AKAP6: variants seen among roughly 807,000 people sequenced by gnomAD.
AKAP6 encodes the protein A-kinase anchor protein 6.
In AKAP6, 58 loss-of-function variants were observed where a neutral mutation model predicts 188.5. The observed-to-expected ratio is 0.31, with a 90% confidence interval of 0.25 to 0.38. AKAP6 has a LOEUF of 0.38. Among genes scored for constraint, AKAP6 ranks in the 10% least tolerant of loss-of-function variants. AKAP6 has a pLI of 1.00. For synonymous variants in AKAP6, 989 were observed against 998.6 expected, an observed-to-expected ratio of 0.99 and a Z score of 0.18; for missense variants, 2,710 against 2,740.0, an observed-to-expected ratio of 0.99 and a Z score of 0.24.
At chr14:32,580,257 A>G (rs765618693) in intron 5 of AKAP6, among the ~76,000 whole-genome samples, 14 of 152,100 alleles carry the variant, frequency 9.2e-5, no homozygotes, top group Non-Finnish European at 5.9e-5. Flanking sequence ...CATGATAATT[A>G]ATCATCTGCT....
intron 1 of AKAP6, among the ~76,000 whole-genome samples, chr14:32,426,791 A>G (rs1193140679): frequency 1.3e-5 from 2 of 152,224 alleles, no homozygotes; most frequent in African/African-American, 4.8e-5. Flanking sequence ...TACAGGAGGC[A>G]TGATGACTAT....
chr14:32,410,466 T>C (rs1014270891), intron 1 of AKAP6, among the ~76,000 whole-genome samples: 1 of 152,202 alleles, frequency 6.6e-6, no homozygotes, highest in Non-Finnish European at 1.5e-5. Context: ...TTGTTTGATG[T>C]CTCATGTCTC....
intron 7 of AKAP6, among the ~76,000 whole-genome samples, chr14:32,662,922 C>T (rs1370357775): frequency 6.6e-6 from 1 of 152,064 alleles, no homozygotes. Context: ...CTCTTACCAA[C>T]ATCAGATGAG....
intron 4 of AKAP6, among the ~76,000 whole-genome samples, chr14:32,569,655 C>G (rs9322905): frequency 0.64 from 97,477 of 151,988 alleles, 31,697 homozygotes; most frequent in East Asian, 0.89. Flanking sequence ...CGAATTATGC[C>G]CAAAAACGGA....
chr14:32,404,691 G>GATAGATAGATAGATAT, intron 1 of AKAP6, among the ~76,000 whole-genome samples: 2 of 44,430 alleles, frequency 4.5e-5, no homozygotes, highest in African/African-American at 1.4e-4. Context: ...GGAGTCAGGA[G>GATAGATAGATAGATAT]ATATATATAT....
intron 4 of AKAP6, among the ~76,000 whole-genome samples, chr14:32,553,167 C>CTTTT (rs397798236): frequency 7.5e-6 from 1 of 132,700 alleles, no homozygotes; most frequent in Non-Finnish European, 1.6e-5. Flanking sequence ...TTTTTCTTTT[C>CTTTT]TTTTTTTTTT....
rs556358954 is a variant in AKAP6, at chr14:32,634,857, T to A, written c.2730+34065T>A. 5.9e-5 allele frequency among the ~76,000 whole-genome samples: 9 copies of A among 152,190 alleles called. No individual in the cohort carries two copies. In the South Asian group the frequency reaches 1.9e-3, roughly 32 times the overall value. On this transcript the variant is annotated intron_variant, in intron 7 of 13. Transcript: ENST00000280979. ...AGATAAAAACATATTAAGTGAGGCT[T>A]GTACTGGGATTAGTTTTCTTTTCTT... is the stretch of plus-strand genomic sequence containing the variant.
chr14:32,495,248 T>C (rs1348196294), intron 2 of AKAP6: 1 of 152,234 alleles, frequency 6.6e-6, no homozygotes, highest in African/African-American at 2.4e-5. Context: ...CCAAATCGAC[T>C]TGAGTTACAA....
At chr14:32,340,816 C>T (rs1886865806) in intron 1 of AKAP6, among the ~76,000 whole-genome samples, 1 of 152,172 alleles carries the variant, frequency 6.6e-6, no homozygotes, top group Non-Finnish European at 1.5e-5. Flanking sequence ...CAGCTGGTAC[C>T]TTCTAGCTGT....
chr14:32,673,771 A>G (rs1889318127), intron 7 of AKAP6, among the ~76,000 whole-genome samples: 1 of 152,120 alleles, frequency 6.6e-6, no homozygotes, highest in Non-Finnish European at 1.5e-5. Flanking sequence ...GCAAGAATGT[A>G]CAACTCATCC....
In AKAP6 at chr14:32,546,043, A is replaced by G; in HGVS notation, c.1390A>G (p.Asn464Asp). ...QSYECLHKVG[N>D]GNLENTVKFH... ...TTATGAGTGTTTACACAAGGTGGGG[A>G]ATGGGAACCTTGAAAACACAGTCAA... The change falls in exon 4 of 14, where the codon AAT becomes GAT. Residue 464 changes from asparagine to aspartate, a missense_variant. Physicochemically the swap from Asn to Asp is conservative, Grantham distance 23. Coordinates refer to ENST00000280979, the MANE Select transcript of AKAP6 (RefSeq NM_004274.5). 21 of 1,614,172 alleles carry G rather than the reference A, an allele frequency of 1.3e-5. No homozygotes were observed. Among genetic ancestry groups the G allele is most frequent in the Non-Finnish European group, 1.8e-5 (21 of 1,180,028 alleles).
intron 1 of AKAP6, among the ~76,000 whole-genome samples, chr14:32,400,234 T>G (rs1594578118): frequency 1.3e-5 from 2 of 151,630 alleles, no homozygotes; most frequent in East Asian, 3.9e-4. Context: ...TGGGTGGATT[T>G]TTTTTTTTTC....
intron 7 of AKAP6, among the ~76,000 whole-genome samples, chr14:32,636,560 G>C (rs1887497001): frequency 6.6e-6 from 1 of 152,052 alleles, no homozygotes; most frequent in African/African-American, 2.4e-5. Context: ...GTGACATATA[G>C]CTCTGTGCTG....
chr14:32,521,911 A>T (rs1380836264), intron 2 of AKAP6, among the ~76,000 whole-genome samples: 1 of 152,236 alleles, frequency 6.6e-6, no homozygotes, highest in Admixed American at 6.5e-5. Flanking sequence ...ACAAAGCTGG[A>T]GACATCATGC....
chr14:32,386,021 C>G (rs910193271), intron 1 of AKAP6, among the ~76,000 whole-genome samples: 77 of 150,572 alleles, frequency 5.1e-4, no homozygotes, highest in Non-Finnish European at 9.0e-4. Flanking sequence ...CTATATCTAT[C>G]TATCTATCTA....
At chr14:32,589,813 T>C (rs1885410652) in intron 5 of AKAP6, among the ~76,000 whole-genome samples, 1 of 152,188 alleles carries the variant, frequency 6.6e-6, no homozygotes, top group African/African-American at 2.4e-5. Flanking sequence ...GGCAGTATTA[T>C]ACAAAGCATT....
intron 1 of AKAP6, among the ~76,000 whole-genome samples, chr14:32,430,080 T>C (rs1890164885): frequency 6.6e-6 from 1 of 152,194 alleles, no homozygotes; most frequent in Admixed American, 6.5e-5. Flanking sequence ...TGATAGTAAT[T>C]TATTCCTTTT....
intron 7 of AKAP6, among the ~76,000 whole-genome samples, chr14:32,671,877 A>G (rs761298349): frequency 1.3e-5 from 2 of 152,222 alleles, no homozygotes; most frequent in Non-Finnish European, 2.9e-5. Flanking sequence ...GAAGTGATAA[A>G]TCAGTCAAAT....
intron 9 of AKAP6, among the ~76,000 whole-genome samples, chr14:32,717,204 A>C (rs1034622036): frequency 6.6e-6 from 1 of 152,120 alleles, no homozygotes; most frequent in Non-Finnish European, 1.5e-5. Context: ...CTTCTTGAAA[A>C]GTTATCCCTT....
Sources: allele counts gnomAD v4.1 joint callset (sites outside exome capture counted in the v4.1 genomes callset), GRCh38; gene constraint gnomAD v4.1.1; transcripts MANE v1.5; gene names NCBI Gene and HGNC (gene_info 2026-07-23, HGNC 2026-07-21).